RBM47: variants seen among roughly 807,000 people sequenced by gnomAD.
RBM47 encodes RNA-binding protein 47.
In RBM47, 21 loss-of-function variants were observed where a neutral mutation model predicts 47.1. The observed-to-expected ratio is 0.45, with a 90% CI of 0.32 to 0.64. The LOEUF (loss-of-function observed/expected upper bound fraction) is 0.64. Among genes scored for constraint, RBM47 ranks in the 30% least tolerant of loss-of-function variants. The pLI, the probability that RBM47 is intolerant of heterozygous loss-of-function variation, is 0.05. For synonymous variants in RBM47, 375 were observed against 361.7 expected (o/e 1.04, Z -0.42); for missense variants, 708 against 870.9 (o/e 0.81, Z 2.35).
intron 1 of RBM47, among the ~76,000 whole-genome samples, chr4:40,615,426 A>G (rs1421203093): frequency 6.6e-6 from 1 of 150,934 alleles, no homozygotes; most frequent in Admixed American, 6.6e-5. Flanking sequence ...CTGGATGACA[A>G]AAGTAAGTAC....
intron 2 of RBM47, among the ~76,000 whole-genome samples, chr4:40,498,670 C>CAAAAAAA (rs910303039): frequency 1.6e-5 from 1 of 62,566 alleles, no homozygotes; most frequent in Non-Finnish European, 3.4e-5. Flanking sequence ...GACTCCATCT[C>CAAAAAAA]AAAAAAAAAA....
chr4:40,436,779 G>A, intron 4 of RBM47, 132 bp from the exon 5 acceptor site: 1 of 835,786 alleles, frequency 1.2e-6, no homozygotes, highest in Non-Finnish European at 2.0e-6. Context: ...CTCTTTAATA[G>A]GCTGGTAAAG....
chr4:40,610,118 C>CAA (rs530739407), intron 1 of RBM47, among the ~76,000 whole-genome samples: 1,540 of 151,630 alleles, frequency 0.01, 15 homozygotes, highest in Non-Finnish European at 0.018. Flanking sequence ...AACAAACAAA[C>CAA]AAAAAAACCT....
chr4:40,468,498 A>G (rs1346909739), intron 2 of RBM47, among the ~76,000 whole-genome samples: 2 of 152,208 alleles, frequency 1.3e-5, no homozygotes, highest in African/African-American at 4.8e-5. Flanking sequence ...CCCCACTTCC[A>G]TCATTCATTG....
In RBM47 at chr4:40,438,819, G is replaced by C. The variant is rs1173908687; in HGVS notation, c.75C>G (p.Gly25=). The C allele has an allele frequency of 8.4e-6, 13 of 1,556,030 alleles. No individual in the cohort carries two copies. Among genetic ancestry groups the C allele is most frequent in the Non-Finnish European group, 1.1e-5 (13 of 1,155,974 alleles). Residue 25 remains glycine, a synonymous_variant, in exon 4 of 7, where the codon GGC becomes GGG. Coordinates refer to ENST00000295971, the MANE Select transcript of RBM47 (RefSeq NM_001098634.2). ...CTGCCTCGTTGGGCGCGCCCGCCAC[G>C]CCCTCGGGCACCTTGGCGGAGGACC... ...AAGSSAKVPE[G]VAGAPNEAAL...
chr4:40,487,118 A>G (rs1303330122), intron 2 of RBM47, among the ~76,000 whole-genome samples: 1 of 152,112 alleles, frequency 6.6e-6, no homozygotes, highest in Non-Finnish European at 1.5e-5. Context: ...CAACCTTAGG[A>G]TGGTCAAGGG....
chr4:40,561,560 T>G (rs902433483), intron 1 of RBM47, among the ~76,000 whole-genome samples: 1 of 148,956 alleles, frequency 6.7e-6, no homozygotes, highest in Non-Finnish European at 1.5e-5. Flanking sequence ...TTTTTCTTTT[T>G]TTTTTTTGAG....
chr4:40,427,172 T>C (rs1715179226), intron 6 of RBM47: 1 of 152,192 alleles, frequency 6.6e-6, no homozygotes, highest in Non-Finnish European at 1.5e-5. Flanking sequence ...AATGTGATGG[T>C]TTCCATCACC....
intron 1 of RBM47, among the ~76,000 whole-genome samples, chr4:40,547,401 T>G (rs1262213890): frequency 6.6e-6 from 1 of 152,196 alleles, no homozygotes; most frequent in Non-Finnish European, 1.5e-5. Context: ...GACCGAGGGA[T>G]GACTGTGTGA....
Position 40,462,106 on chromosome 4 carries a change from C to A in RBM47, c.-32+4471G>T, listed in dbSNP as rs1418697776. ...GCACTACTGTCATCTCCAAGCCCGT[C>A]AGAGAACAGCGCCCGTCCAGTGCAG... On this transcript the variant is annotated intron_variant, in intron 3 of 6. Transcript: ENST00000295971. 2.6e-5 allele frequency among the ~76,000 whole-genome samples: 4 copies of A among 152,152 alleles called. No homozygotes were observed. In the East Asian group the frequency reaches 7.7e-4, roughly 29 times the overall value.
chr4:40,459,403 C>G (rs1224879004), intron 3 of RBM47, among the ~76,000 whole-genome samples: 2 of 152,030 alleles, frequency 1.3e-5, no homozygotes, highest in African/African-American at 2.4e-5. Flanking sequence ...TATCTATTTA[C>G]TAAGTTTTGT....
rs981422999 is a variant in RBM47 at position 40,602,352 on chromosome 4, C to CA, written c.-240+27043dup. Among the ~76,000 whole-genome samples, 3 of 151,492 alleles carry CA rather than the reference C, an allele frequency of 2.0e-5. No individual in the cohort carries two copies. In the East Asian group the frequency reaches 5.9e-4, roughly 30 times the overall value. ...TGTTAGTAGTTATTACTTTTAGAGC[C>CA]AAAACGTAGAATATCGGCCGGGCGC... On this transcript the variant is annotated intron_variant, in intron 1 of 6. Transcript: ENST00000295971.
intron 1 of RBM47, among the ~76,000 whole-genome samples, chr4:40,571,954 C>T (rs1056502850): frequency 1.1e-4 from 16 of 150,768 alleles, no homozygotes; most frequent in African/African-American, 2.9e-4. Flanking sequence ...ACTCGGGAGG[C>T]GGAGGTTGCA....
intron 2 of RBM47, among the ~76,000 whole-genome samples, chr4:40,519,560 G>A (rs1725977716): frequency 2.0e-5 from 3 of 151,070 alleles, no homozygotes; most frequent in Admixed American, 1.3e-4. Flanking sequence ...GCCTCCCAAA[G>A]TGCTGAGATT....
intron 2 of RBM47, among the ~76,000 whole-genome samples, chr4:40,468,111 C>A (rs919352240): frequency 6.6e-6 from 1 of 152,088 alleles, no homozygotes; most frequent in Non-Finnish European, 1.5e-5. Context: ...CATGGTGAAA[C>A]CCTGTTACCG....
At chr4:40,521,092 C>G (rs1194106545) in intron 2 of RBM47, among the ~76,000 whole-genome samples, 1 of 152,120 alleles carries the variant, frequency 6.6e-6, no homozygotes, top group Non-Finnish European at 1.5e-5. Context: ...TGAAGTTGTT[C>G]TACCTTTTTT....
chr4:40,583,395 A>G (rs1243022104), intron 1 of RBM47, among the ~76,000 whole-genome samples: 6 of 98,454 alleles, frequency 6.1e-5, no homozygotes, highest in African/African-American at 1.5e-4. Context: ...TCAGAAAAAA[A>G]AAAAAAAAAA....
chr4:40,441,383 G>A (rs1446510738), intron 3 of RBM47, among the ~76,000 whole-genome samples: 2 of 151,868 alleles, frequency 1.3e-5, no homozygotes, highest in African/African-American at 2.4e-5. Context: ...CTCCCAAAGT[G>A]CTAGGATTAC....
At chr4:40,427,672 T>G (rs1180648310) in intron 6 of RBM47, 2 of 152,148 alleles carry the variant, frequency 1.3e-5, no homozygotes, top group Non-Finnish European at 2.9e-5. Context: ...AAATAAACAA[T>G]TCAGCATATG....
Sources: gnomAD v4.1 joint callset for allele counts (sites outside exome capture counted in the v4.1 genomes callset) on GRCh38, gnomAD v4.1.1 for gene constraint, MANE v1.5 for transcripts, NCBI Gene and HGNC (gene_info 2026-07-23, HGNC 2026-07-21) for gene names.